WDTC1: variants seen among roughly 807,000 people sequenced by gnomAD.
The protein encoded by WDTC1 is WD and tetratricopeptide repeats 1, also known as WD and tetratricopeptide repeats protein 1.
In WDTC1, 12 loss-of-function variants were observed where a neutral mutation model predicts 76.0. That is an observed-to-expected ratio of 0.16 (90% CI 0.10 to 0.26). The LOEUF is 0.26. Among genes scored for constraint, WDTC1 ranks in the 10% least tolerant of loss-of-function variants. The probability of loss-of-function intolerance (pLI) is 1.00; values close to 1 mark genes in which losing one functional copy is unlikely to be tolerated. For missense variants in WDTC1, 511 were observed against 908.8 expected, an observed-to-expected ratio of 0.56 and a Z score of 5.63; for synonymous variants, 326 against 350.8, an observed-to-expected ratio of 0.93 and a Z score of 0.79.
intron 1 of WDTC1, among the ~76,000 whole-genome samples, chr1:27,240,845 GGTGT>G (rs1229729872): frequency 1.3e-5 from 2 of 151,768 alleles, no homozygotes; most frequent in East Asian, 3.9e-4. Flanking sequence ...CGTGGTGGCG[GGTGT>G]CTGTAGTCCC....
chr1:27,305,840 C>G lies in WDTC1; in HGVS notation c.1837-346C>G, dbSNP rs1187736387. 6.6e-6 allele frequency among the ~76,000 whole-genome samples: 1 copy of G among 152,110 alleles called. No individual in the cohort carries two copies. Among genetic ancestry groups the G allele is most frequent in the Non-Finnish European group, 1.5e-5 (1 of 67,998 alleles). ...TGAAGCAAGAGTTGTGGCAACAAAA[C>G]AGAATGGGGTGGGGAAGTTGTATCT... On this transcript the variant is annotated intron_variant, in intron 15 of 15. Coordinates refer to ENST00000319394, the MANE Select transcript of WDTC1 (RefSeq NM_001276252.2). The surrounding 1 kb of genome is among the most constrained non-coding windows in gnomAD (Gnocchi z 4.6).
At chr1:27,282,367 C>G (rs1408755731) in intron 4 of WDTC1, 82 bp downstream of exon 4, 3 of 1,419,972 alleles carry the variant, frequency 2.1e-6, no homozygotes, top group Non-Finnish European at 2.9e-6. Context: ...CTGAGAGGAT[C>G]CAAGGAAAAG....
At chr1:27,263,529 G>C (rs2012555471) in intron 3 of WDTC1, among the ~76,000 whole-genome samples, 1 of 152,124 alleles carries the variant, frequency 6.6e-6, no homozygotes, top group Admixed American at 6.6e-5. Flanking sequence ...TGCCTCCCGG[G>C]TTCACACCAT....
intron 1 of WDTC1, among the ~76,000 whole-genome samples, chr1:27,258,308 G>A (rs551461641): frequency 1.3e-5 from 2 of 151,536 alleles, no homozygotes; most frequent in Non-Finnish European, 3.0e-5. Flanking sequence ...TGAGGCGGGC[G>A]GATCACCTGA....
intron 3 of WDTC1, among the ~76,000 whole-genome samples, chr1:27,278,440 A>G (rs1372215547): frequency 1.3e-5 from 2 of 152,220 alleles, no homozygotes; most frequent in Admixed American, 1.3e-4. Context: ...GCAAATATTG[A>G]ATGCCTACTA....
At chr1:27,282,602 A>G (rs114033321) in intron 4 of WDTC1, among the ~76,000 whole-genome samples, 1 of 152,004 alleles carries the variant, frequency 6.6e-6, no homozygotes, top group Non-Finnish European at 1.5e-5. Context: ...TTTCAGGTTC[A>G]AGCGGTTCTC....
chr1:27,296,227 C>T (rs2013679568), intron 9 of WDTC1, 99 bp from the exon 10 acceptor site: 5 of 1,376,302 alleles, frequency 3.6e-6, no homozygotes, highest in African/African-American at 1.4e-5. Context: ...TCACTGTGTT[C>T]CAAGACTCTA....
chr1:27,272,012 G>A (rs1387041898), intron 3 of WDTC1, among the ~76,000 whole-genome samples: 7 of 149,948 alleles, frequency 4.7e-5, no homozygotes, highest in African/African-American at 9.7e-5. Context: ...TTGGGAGGCC[G>A]AGGCGGGCGG....
At position 27,260,968 on chromosome 1, in the gene WDTC1, G is replaced by A. The variant is rs139773543; in HGVS notation, c.-87G>A. On this transcript the variant is annotated 5_prime_UTR_variant, in exon 2 of 16. Transcript: ENST00000319394. Reference sequence around the variant, plus strand: ...TTTTTTCCCCCAGGTAATTAAATGTGTATTTTGTGGACCTGGGCTTGGCTG... The same window carrying A: ...TTTTTTCCCCCAGGTAATTAAATGTATATTTTGTGGACCTGGGCTTGGCTG... 246 of 1,428,480 alleles carry A rather than the reference G, an allele frequency of 1.7e-4. 3 individuals are homozygous for A. The East Asian group carries it at 5.6e-3, about 33-fold the overall frequency. 88.5% of individuals were successfully genotyped at this position (1,428,480 alleles called of 1,614,324 possible). A position where few individuals can be genotyped will look rare whatever the true frequency, so the allele number is the denominator to read the frequency against.
chr1:27,263,441 T>C (rs961475585), intron 3 of WDTC1, among the ~76,000 whole-genome samples: 3 of 148,372 alleles, frequency 2.0e-5, no homozygotes, highest in Non-Finnish European at 4.6e-5. Context: ...TTTTATTTTA[T>C]TTTATTTTTT....
chr1:27,246,580 T>A (rs946114693), intron 1 of WDTC1, among the ~76,000 whole-genome samples: 2 of 151,916 alleles, frequency 1.3e-5, no homozygotes, highest in East Asian at 3.9e-4. Flanking sequence ...TTTTTTTTTT[T>A]AGACTGAGTC....
At chr1:27,250,207 A>T (rs2011994126) in intron 1 of WDTC1, among the ~76,000 whole-genome samples, 1 of 152,052 alleles carries the variant, frequency 6.6e-6, no homozygotes, top group Non-Finnish European at 1.5e-5. Flanking sequence ...TTTTTTGGAG[A>T]TAAGAGTCTC....
intron 1 of WDTC1, among the ~76,000 whole-genome samples, chr1:27,244,882 G>GT (rs2011764440): frequency 6.6e-6 from 1 of 152,178 alleles, no homozygotes; most frequent in South Asian, 2.1e-4. Flanking sequence ...GAATACAGAT[G>GT]TTTTAGGTTC....
chr1:27,263,386 G>C lies in WDTC1; in HGVS notation c.132+151G>C, dbSNP rs893170298. On this transcript the variant is annotated intron_variant, in intron 3 of 15. Coordinates refer to ENST00000319394, the MANE Select transcript of WDTC1 (RefSeq NM_001276252.2). ...TCTCCTTCAGTAGACAACTAAATCT[G>C]AATCAAGATCAGCAATTGACATAGT... 14 of 540,988 alleles carry C rather than the reference G, an allele frequency of 2.6e-5. No homozygotes were observed. In the African/African-American group the frequency reaches 2.7e-4, roughly 11 times the overall value. 33.5% of individuals were successfully genotyped at this position (540,988 alleles called of 1,614,324 possible).
At chr1:27,284,379 G>A (rs1214577993) in intron 5 of WDTC1, among the ~76,000 whole-genome samples, 7 of 152,064 alleles carry the variant, frequency 4.6e-5, no homozygotes, top group Non-Finnish European at 7.4e-5. Context: ...GTTGTCCTTC[G>A]GAAACCCTCA....
At chr1:27,273,882 A>G (rs1470130292) in intron 3 of WDTC1, among the ~76,000 whole-genome samples, 1 of 152,008 alleles carries the variant, frequency 6.6e-6, no homozygotes, top group Admixed American at 6.6e-5. Context: ...GGAGAGGGAA[A>G]AAGATTATTT....
intron 8 of WDTC1, 152 bp downstream of exon 8, chr1:27,294,268 G>C (rs1011368231): frequency 5.8e-6 from 5 of 866,824 alleles, no homozygotes; most frequent in Non-Finnish European, 8.7e-6. Flanking sequence ...CCATTGACAA[G>C]CTATGTCACC....
Position 27,306,491 on chromosome 1 carries a change from C to T in WDTC1, c.*108C>T, listed in dbSNP as rs1336251932. 1 of 1,325,500 alleles carries T rather than the reference C, an allele frequency of 7.5e-7. No individual in the cohort carries two copies. 82.1% of individuals were successfully genotyped at this position (1,325,500 alleles called of 1,614,324 possible). On this transcript the variant is annotated 3_prime_UTR_variant, in exon 16 of 16. Transcript: ENST00000319394. This position sits in a 1 kb window ranked among gnomAD's most constrained non-coding sequence, Gnocchi z 5.0. ...TGTCTTCCCCACCACCCTTTTTTTT[C>T]ATTTCCCCTGTTTTGTTTGTTAGTT...
At chr1:27,292,757 C>CTTTTTTT (rs1304057627) in intron 7 of WDTC1, among the ~76,000 whole-genome samples, 1 of 113,462 alleles carries the variant, frequency 8.8e-6, no homozygotes, top group African/African-American at 3.6e-5. Context: ...TATTGTTTTA[C>CTTTTTTT]TTTTTTTTTT....
Sources: gnomAD v4.1 joint callset for allele counts (sites outside exome capture counted in the v4.1 genomes callset) on GRCh38, gnomAD v4.1.1 for gene constraint, Gnocchi (gnomAD v3.1) non-coding constraint, MANE v1.5 for transcripts, NCBI Gene and HGNC (gene_info 2026-07-23, HGNC 2026-07-21) for gene names.